The following TSPAN18 variants were observed in gnomAD, a reference collection of about 807,000 sequenced individuals.
TSPAN18 encodes the protein tetraspanin-18.
Under a neutral mutation model 27.3 loss-of-function variants are expected in TSPAN18, and 14 were observed. The ratio of observed to expected loss-of-function variants is 0.51; its 90% CI spans 0.34 to 0.80. The LOEUF (loss-of-function observed/expected upper bound fraction) is 0.80. Ranked by LOEUF, TSPAN18 falls within the 30% of genes least tolerant of loss-of-function variation. The probability of loss-of-function intolerance (pLI) is 0.01; values close to 1 mark genes in which losing one functional copy is unlikely to be tolerated. For missense variants in TSPAN18, 268 were observed against 323.9 expected, an observed-to-expected ratio of 0.83 and a Z score of 1.32; for synonymous variants, 143 against 136.5, an observed-to-expected ratio of 1.05 and a Z score of -0.33.
rs1027388962 is a variant in TSPAN18 at position 44,811,672 on chromosome 11, G to C, written c.-153+47160G>C. Among the ~76,000 whole-genome samples the C allele has an allele frequency of 4.6e-5, 7 of 152,256 alleles. 1 individual carries two copies. In the Middle Eastern group the frequency reaches 0.01, roughly 222 times the overall value. The stretch of plus-strand genomic sequence containing the variant: ...AGATAGGGTTTCACCATGTTGGCCA[G>C]GTTGGTCACGAACTCCTGACCTCAG... On this transcript the variant is annotated intron_variant, in intron 2 of 9. Coordinates refer to ENST00000520358, the MANE Select transcript of TSPAN18 (RefSeq NM_130783.5).
At chr11:44,849,970 G>A (rs141628357) in intron 2 of TSPAN18, among the ~76,000 whole-genome samples, 29 of 152,254 alleles carry the variant, frequency 1.9e-4, no homozygotes, top group Non-Finnish European at 3.7e-4. Context: ...TAGGGAGACC[G>A]TCCCAGGATG....
At chr11:44,783,166 A>G (rs1009681625) in intron 2 of TSPAN18, among the ~76,000 whole-genome samples, 1 of 152,100 alleles carries the variant, frequency 6.6e-6, no homozygotes, top group Non-Finnish European at 1.5e-5. Context: ...TGTCCTTTTT[A>G]AAGGAATTCT....
At chr11:44,891,694 T>C (rs1355882034) in intron 3 of TSPAN18, among the ~76,000 whole-genome samples, 1 of 152,064 alleles carries the variant, frequency 6.6e-6, no homozygotes, top group Non-Finnish European at 1.5e-5. Flanking sequence ...TATAGGGGGT[T>C]CCTGAGGGAC....
chr11:44,870,463 C>T (rs1858164133), intron 3 of TSPAN18, among the ~76,000 whole-genome samples: 1 of 152,182 alleles, frequency 6.6e-6, no homozygotes, highest in Admixed American at 6.5e-5. Flanking sequence ...ATCGAGGCCC[C>T]TGAGTGCAAT....
At chr11:44,732,808 T>C (rs1048916995) in intron 1 of TSPAN18, among the ~76,000 whole-genome samples, 2 of 152,228 alleles carry the variant, frequency 1.3e-5, no homozygotes, top group African/African-American at 4.8e-5. Flanking sequence ...CTTGGCTTCC[T>C]TATCTGTGAA....
chr11:44,875,219 G>A (rs1204022133), intron 3 of TSPAN18, among the ~76,000 whole-genome samples: 1 of 152,188 alleles, frequency 6.6e-6, no homozygotes, highest in Non-Finnish European at 1.5e-5. Context: ...CATTTACCAG[G>A]CTTTTCCAGA....
chr11:44,739,796 G>T (rs978726174), intron 1 of TSPAN18, among the ~76,000 whole-genome samples: 5 of 123,890 alleles, frequency 4.0e-5, no homozygotes, highest in African/African-American at 4.2e-5. Flanking sequence ...TGCTCCTATG[G>T]GTTTTTCCAG....
At chr11:44,746,774 G>T (rs2134841227) in intron 1 of TSPAN18, among the ~76,000 whole-genome samples, 1 of 152,248 alleles carries the variant, frequency 6.6e-6, no homozygotes, top group African/African-American at 2.4e-5. Flanking sequence ...AATTATTTTG[G>T]GGTTAGGACA....
At chr11:44,813,365 T>C (rs1456586456) in intron 2 of TSPAN18, among the ~76,000 whole-genome samples, 1 of 152,200 alleles carries the variant, frequency 6.6e-6, no homozygotes, top group Non-Finnish European at 1.5e-5. Context: ...TGAGTCTTGG[T>C]TTCCAGAGGG....
intron 1 of TSPAN18, among the ~76,000 whole-genome samples, chr11:44,744,143 G>A (rs1855015770): frequency 6.6e-6 from 1 of 152,152 alleles, no homozygotes; most frequent in South Asian, 2.1e-4. Flanking sequence ...GGCCTCCTGG[G>A]CTGCTGCTGG....
rs1330077512 is a variant in TSPAN18, at chr11:44,931,967, C to G, written c.*2789C>G. ...CAAACCCTGCCTGTATCGAAAGCCA[C>G]TTTCCTGCTCTGAAGCTACTGCCTC... On this transcript the variant is annotated 3_prime_UTR_variant, in exon 10 of 10. Coordinates refer to ENST00000520358, the MANE Select transcript of TSPAN18 (RefSeq NM_130783.5). The G allele has an allele frequency of 6.6e-6, 1 of 152,292 alleles. No individual in the cohort carries two copies. Among genetic ancestry groups the G allele is most frequent in the African/African-American group, 2.4e-5 (1 of 41,468 alleles). 9.4% of individuals were successfully genotyped at this position (152,292 alleles called of 1,614,324 possible).
At chr11:44,808,667 C>T (rs1438775340) in intron 2 of TSPAN18, among the ~76,000 whole-genome samples, 1 of 152,142 alleles carries the variant, frequency 6.6e-6, no homozygotes, top group Non-Finnish European at 1.5e-5. Flanking sequence ...TGAAGTTACT[C>T]TCTGGGGCCT....
At chr11:44,911,116 G>T (rs998485326) in intron 5 of TSPAN18, among the ~76,000 whole-genome samples, 1 of 152,212 alleles carries the variant, frequency 6.6e-6, no homozygotes, top group African/African-American at 2.4e-5. Context: ...TCTGGGCTGA[G>T]CCCAGTCCCG....
chr11:44,931,219 G>T lies in TSPAN18; in HGVS notation c.*2041G>T, dbSNP rs1041825600. ...CTGAGACCCAGGGGGACCTGCCACT[G>T]GTACCGCGGCCCAGCCTGGGGCCTG... On this transcript the variant is annotated 3_prime_UTR_variant, in exon 10 of 10. Coordinates refer to ENST00000520358, the MANE Select transcript of TSPAN18 (RefSeq NM_130783.5). 1 of 304,970 alleles carries T rather than the reference G, an allele frequency of 3.3e-6. No individual in the cohort carries two copies. The allele number at this position is 304,970 out of a possible 1,614,324, so 18.9% of individuals were successfully genotyped here. A position where few individuals can be genotyped will look rare whatever the true frequency, so the allele number is the denominator to read the frequency against.
intron 2 of TSPAN18, among the ~76,000 whole-genome samples, chr11:44,836,188 G>T (rs867015028): frequency 6.6e-6 from 1 of 152,344 alleles, no homozygotes; most frequent in African/African-American, 2.4e-5. Context: ...CAGGCCGAAA[G>T]CTAGGCTTCT....
At chr11:44,869,926 G>T (rs983789295) in intron 3 of TSPAN18, among the ~76,000 whole-genome samples, 1 of 152,178 alleles carries the variant, frequency 6.6e-6, no homozygotes, top group Non-Finnish European at 1.5e-5. Flanking sequence ...AACAGCTCAG[G>T]TGGAGAGGTG....
At position 44,856,284 on chromosome 11, in the gene TSPAN18, C is replaced by G. The variant is rs1266314225; in HGVS notation, c.-152-4044C>G. On this transcript the variant is annotated intron_variant, in intron 2 of 9. Transcript: ENST00000520358. ...ATTTCATCATCCTTGGTCTGGCATT[C>G]AAGGACCTTAACCATACACCCCTTG... Among the ~76,000 whole-genome samples the G allele has an allele frequency of 2.0e-5, 3 of 152,186 alleles. No individual in the cohort carries two copies. In the East Asian group the frequency reaches 5.8e-4, roughly 29 times the overall value.
At chr11:44,906,640 A>G (rs1302268526) in intron 4 of TSPAN18, among the ~76,000 whole-genome samples, 161 bp downstream of exon 4, 2 of 152,210 alleles carry the variant, frequency 1.3e-5, no homozygotes, top group East Asian at 3.9e-4. Context: ...GGCCCCCAGC[A>G]GTGCCCACCC....
At chr11:44,769,226 T>C (rs1471027029) in intron 2 of TSPAN18, among the ~76,000 whole-genome samples, 1 of 152,198 alleles carries the variant, frequency 6.6e-6, no homozygotes, top group African/African-American at 2.4e-5. Context: ...TGAACCAGTC[T>C]TGTGTACCTG....
Sources: gnomAD v4.1 joint callset for allele counts (sites outside exome capture counted in the v4.1 genomes callset) on GRCh38, gnomAD v4.1.1 for gene constraint, MANE v1.5 for transcripts, NCBI Gene and HGNC (gene_info 2026-07-23, HGNC 2026-07-21) for gene names.